FRMD4B: variants seen among roughly 807,000 people sequenced by gnomAD.
The protein encoded by FRMD4B is FERM domain-containing protein 4B.
Under a neutral mutation model 141.5 loss-of-function variants are expected in FRMD4B, and 74 were observed. That is an observed-to-expected ratio of 0.52 (90% CI 0.43 to 0.63). The LOEUF (loss-of-function observed/expected upper bound fraction) is 0.63. FRMD4B is among the 30% of genes least tolerant of loss of function. The pLI is 0.00. For missense variants in FRMD4B, 1,366 were observed against 1,253.4 expected (o/e 1.09, Z -1.36); for synonymous variants, 506 against 467.9 (o/e 1.08, Z -1.05).
intron 5 of FRMD4B, among the ~76,000 whole-genome samples, chr3:69,284,589 C>T (rs894226453): frequency 2.6e-5 from 4 of 151,994 alleles, no homozygotes; most frequent in Admixed American, 6.6e-5. Flanking sequence ...AACCAAACAT[C>T]AAGAATATTT....
intron 1 of FRMD4B, among the ~76,000 whole-genome samples, chr3:69,356,576 GAT>G (rs1013436743): frequency 6.7e-6 from 1 of 149,012 alleles, no homozygotes; most frequent in South Asian, 2.1e-4. Flanking sequence ...TTTATATATA[GAT>G]ATATATATAC....
chr3:69,413,668 C>T (rs1704799134), intron 2 of FRMD4B, among the ~76,000 whole-genome samples: 1 of 152,160 alleles, frequency 6.6e-6, no homozygotes, highest in Non-Finnish European at 1.5e-5. Context: ...TCCCATTTTC[C>T]TCTTTCCCTA....
chr3:69,293,214 G>C (rs1700928396), intron 4 of FRMD4B, among the ~76,000 whole-genome samples: 1 of 152,102 alleles, frequency 6.6e-6, no homozygotes, highest in Admixed American at 6.5e-5. Flanking sequence ...GTTTGGAAGT[G>C]GCTGTCCTTT....
At chr3:69,322,702 T>C (rs998031369) in intron 1 of FRMD4B, among the ~76,000 whole-genome samples, 1 of 151,068 alleles carries the variant, frequency 6.6e-6, no homozygotes, top group Non-Finnish European at 1.5e-5. Flanking sequence ...GCTCAAGCAG[T>C]CCTCCCACCT....
chr3:69,361,221 C>T (rs1481046844), intron 1 of FRMD4B, among the ~76,000 whole-genome samples: 1 of 152,092 alleles, frequency 6.6e-6, no homozygotes, highest in East Asian at 1.9e-4. Context: ...AGAGCCTCTT[C>T]AAGCCAGTTT....
intron 1 of FRMD4B, among the ~76,000 whole-genome samples, chr3:69,532,237 A>G (rs976761466): frequency 6.6e-6 from 1 of 152,236 alleles, no homozygotes; most frequent in African/African-American, 2.4e-5. Flanking sequence ...TAATGTTTTG[A>G]GATTTGTCTA....
rs772723095 is a variant in FRMD4B, at chr3:69,195,367, A to G, written c.1235-3T>C. 3.1e-6 allele frequency: 5 copies of G among 1,606,856 alleles called. No homozygotes were observed. The highest frequency in any genetic ancestry group is 4.2e-6 in the Non-Finnish European group (5 of 1,177,682). ...ACTAACTTCTGAGTCTTGAGAACCT[A>G]GGGGATGAGGGAAGGGCAGGGAAGG... On this transcript the variant is annotated splice_polypyrimidine_tract_variant and splice_region_variant and intron_variant, in intron 14 of 22. Coordinates refer to ENST00000398540, the MANE Select transcript of FRMD4B (RefSeq NM_015123.3).
intron 7 of FRMD4B, among the ~76,000 whole-genome samples, chr3:69,245,564 C>G (rs564610166): frequency 6.6e-6 from 1 of 152,202 alleles, no homozygotes; most frequent in African/African-American, 2.4e-5. Flanking sequence ...CCAGGCTAGT[C>G]TCAAACTCCT....
rs186685969 is a variant in FRMD4B at position 69,526,664 on chromosome 3, C to T, written c.-129+15542G>A. Among the ~76,000 whole-genome samples, 268 of 152,260 alleles carry T rather than the reference C, an allele frequency of 1.8e-3. 5 individuals are homozygous for T. The highest frequency in any genetic ancestry group is 0.014 in the South Asian group (68 of 4,816). On this transcript the variant is annotated intron_variant, in intron 1 of 5. Coordinates refer to the FRMD4B transcript ENST00000459638. ...ATTAAATGAGGCCAATTATACCTAC[C>T]TTGCAGGACTGGACAGCTTTAAATA...
At chr3:69,257,611 T>C (rs1237071733) in intron 5 of FRMD4B, among the ~76,000 whole-genome samples, 2 of 152,222 alleles carry the variant, frequency 1.3e-5, no homozygotes, top group Admixed American at 6.5e-5. Flanking sequence ...TATTTTCTTA[T>C]TTATAAATAA....
At position 69,249,898 on chromosome 3, in the gene FRMD4B, T is replaced by C. The variant is rs141870732; in HGVS notation, c.558+145A>G. 1,237 of 660,730 alleles carry C rather than the reference T, an allele frequency of 1.9e-3. 14 individuals are homozygous for C. The African/African-American group carries it at 0.02, about 10-fold the overall frequency. 40.9% of individuals were successfully genotyped at this position (660,730 alleles called of 1,614,324 possible). The stretch of plus-strand genomic sequence containing the variant: ...CAAACTATTCTAAAGCAGAAGACGG[T>C]GGCGCACATTTTTCATCGGCAAACA... On this transcript the variant is annotated intron_variant, in intron 6 of 22. Transcript: ENST00000398540.
At chr3:69,220,903 T>C (rs2093187637) in intron 9 of FRMD4B, among the ~76,000 whole-genome samples, 2 of 151,424 alleles carry the variant, frequency 1.3e-5, no homozygotes, top group Non-Finnish European at 2.9e-5. Context: ...AAATCTACAA[T>C]CTCCAAGCCC....
chr3:69,216,140 T>C (rs7643175), intron 11 of FRMD4B, 123 bp downstream of exon 11: 558,438 of 563,486 alleles, frequency 0.99, 276,904 homozygotes, highest in East Asian at 1. Flanking sequence ...GGCGACAAAG[T>C]GAGACTCCAT....
chr3:69,457,241 A>T lies in FRMD4B; in HGVS notation c.-128-24480T>A, dbSNP rs77262285. ...AAATTTTAAGTATTGTATGAACAGG[A>T]TGGTTATATTTTTGTAATGTCTGGA... On this transcript the variant is annotated intron_variant, in intron 1 of 5. Transcript: ENST00000459638. Among the ~76,000 whole-genome samples, 734 of 152,326 alleles carry T rather than the reference A, an allele frequency of 4.8e-3. 20 individuals are homozygous for T. The East Asian group carries it at 0.077, about 16-fold the overall frequency.
chr3:69,250,260 T>C (rs780556458), intron 5 of FRMD4B, 161 bp from the exon 6 acceptor site: 315 of 676,936 alleles, frequency 4.7e-4, no homozygotes, highest in Middle Eastern at 9.6e-4. Context: ...GAGAGACTCA[T>C]TGAGGGTTAA....
At chr3:69,360,989 G>C (rs1469880526) in intron 1 of FRMD4B, among the ~76,000 whole-genome samples, 2 of 152,086 alleles carry the variant, frequency 1.3e-5, no homozygotes, top group African/African-American at 4.8e-5. Context: ...TTACCCAGTA[G>C]TATAATTCAT....
At chr3:69,405,180 C>T (rs1286693969) in intron 2 of FRMD4B, among the ~76,000 whole-genome samples, 1 of 152,224 alleles carries the variant, frequency 6.6e-6, no homozygotes, top group East Asian at 1.9e-4. Flanking sequence ...GCCATTGCTT[C>T]TTTTACACAG....
intron 1 of FRMD4B, among the ~76,000 whole-genome samples, chr3:69,321,205 A>G (rs539210068): frequency 6.6e-6 from 1 of 152,290 alleles, no homozygotes; most frequent in East Asian, 1.9e-4. Flanking sequence ...ACAGGGCAGT[A>G]TGGAACCACT....
At chr3:69,399,537 A>C (rs1704525793) in intron 2 of FRMD4B, among the ~76,000 whole-genome samples, 1 of 152,198 alleles carries the variant, frequency 6.6e-6, no homozygotes, top group Admixed American at 6.5e-5. Context: ...TTGCTCTGTC[A>C]CTCTGCATAA....
Sources: gnomAD v4.1 joint callset for allele counts (sites outside exome capture counted in the v4.1 genomes callset) on GRCh38, gnomAD v4.1.1 for gene constraint, MANE v1.5 for transcripts, NCBI Gene and HGNC (gene_info 2026-07-23, HGNC 2026-07-21) for gene names.